Variants in GAN observed in about 807,000 individuals in gnomAD.
GAN encodes epididymis secretory sperm binding protein.
In GAN, 48 loss-of-function variants were observed where a neutral mutation model predicts 71.3. The ratio of observed to expected loss-of-function variants is 0.67; its 90% CI spans 0.53 to 0.86. GAN has a LOEUF of 0.86. Among genes scored for constraint, GAN ranks in the 40% least tolerant of loss-of-function variants. The probability of loss-of-function intolerance (pLI) is 0.00; values close to 1 mark genes in which losing one functional copy is unlikely to be tolerated. For synonymous variants in GAN, 386 were observed against 276.8 expected, an observed-to-expected ratio of 1.39 and a Z score of -3.92; for missense variants, 928 against 770.1, an observed-to-expected ratio of 1.21 and a Z score of -2.43.
intron 1 of GAN, among the ~76,000 whole-genome samples, chr16:81,327,825 C>A (rs1011867424): frequency 6.6e-6 from 1 of 151,350 alleles, no homozygotes; most frequent in African/African-American, 2.5e-5. Context: ...TCTTGAGATG[C>A]TCATTTGCAT....
At chr16:81,345,187 G>C (rs1041622415) in intron 1 of GAN, among the ~76,000 whole-genome samples, 1 of 152,232 alleles carries the variant, frequency 6.6e-6, no homozygotes, top group Non-Finnish European at 1.5e-5. Context: ...GTGGAAGACA[G>C]TGTGGCGATT....
chr16:81,332,329 A>G (rs142893110), intron 1 of GAN, among the ~76,000 whole-genome samples: 2 of 152,308 alleles, frequency 1.3e-5, no homozygotes, highest in Non-Finnish European at 2.9e-5. Context: ...AGTTTCAGCA[A>G]CTGGGCTTGT....
chr16:81,366,663 CT>C (rs1417108937), intron 9 of GAN, among the ~76,000 whole-genome samples: 1 of 151,662 alleles, frequency 6.6e-6, no homozygotes, highest in African/African-American at 2.4e-5. Flanking sequence ...TTTGCATAGC[CT>C]TTTTTTTCAA....
In GAN at chr16:81,354,491, GT is replaced by G. The variant is rs994187670; in HGVS notation, c.374del (p.Leu125TrpfsTer47). 6.2e-7 allele frequency: 1 copy of G among 1,614,010 alleles called. No homozygotes were observed. The highest frequency in any genetic ancestry group is 8.5e-7 in the Non-Finnish European group (1 of 1,179,976). ...LTDLKTLCCE[F>X]LEGCIAAENC... is the part of the protein sequence containing the mutation. ...CGGACCTTAAAACCCTGTGCTGTGAGTTTTTGGAAGGCTGCATTGCTGCTGA... is the reference window on the plus strand; with the variant it reads ...CGGACCTTAAAACCCTGTGCTGTGAGTTTTGGAAGGCTGCATTGCTGCTGA... On this transcript the variant is annotated frameshift_variant, in exon 3 of 11. Coordinates refer to ENST00000648994, the MANE Select transcript of GAN (RefSeq NM_022041.4). LOFTEE classifies it high-confidence loss of function.
At chr16:81,332,726 G>A (rs1909624884) in intron 1 of GAN, among the ~76,000 whole-genome samples, 1 of 152,176 alleles carries the variant, frequency 6.6e-6, no homozygotes, top group African/African-American at 2.4e-5. Flanking sequence ...CATGACCACA[G>A]CTCTTCTGGT....
intron 3 of GAN, 38 bp from the exon 4 acceptor site, chr16:81,356,747 C>G (rs377649656): frequency 1.4e-4 from 188 of 1,337,238 alleles, no homozygotes; most frequent in Non-Finnish European, 2.0e-4. Context: ...GTTGCATTTT[C>G]CATTGTTTTC....
intron 9 of GAN, among the ~76,000 whole-genome samples, chr16:81,371,071 T>C (rs1911022440): frequency 6.6e-6 from 1 of 152,246 alleles, no homozygotes; most frequent in Non-Finnish European, 1.5e-5. Context: ...GCTGCTGCTT[T>C]CTTTTGTTAT....
chr16:81,360,558 A>G (rs527893273), intron 5 of GAN, among the ~76,000 whole-genome samples: 2 of 149,636 alleles, frequency 1.3e-5, no homozygotes, highest in South Asian at 2.1e-4. Flanking sequence ...TTAATCTGCT[A>G]TTACATTTAT....
At chr16:81,346,381 GGCC>G (rs1910118916) in intron 1 of GAN, among the ~76,000 whole-genome samples, 1 of 52,956 alleles carries the variant, frequency 1.9e-5, no homozygotes, top group Non-Finnish European at 5.8e-5. Context: ...TGTCTTCTAA[GGCC>G]TTAGGACTGG....
chr16:81,363,115 A>T (rs183691776), intron 6 of GAN, among the ~76,000 whole-genome samples: 387 of 152,358 alleles, frequency 2.5e-3, no homozygotes, highest in African/African-American at 8.9e-3. Context: ...GACATGAAAC[A>T]CCTAGGGCTT....
chr16:81,327,313 G>T (rs574425745), intron 1 of GAN, among the ~76,000 whole-genome samples: 1 of 152,128 alleles, frequency 6.6e-6, no homozygotes, highest in Non-Finnish European at 1.5e-5. Flanking sequence ...TTAAGGAGGC[G>T]CCAGAAGCAA....
intron 1 of GAN, among the ~76,000 whole-genome samples, chr16:81,334,503 G>A (rs989509480): frequency 4.6e-5 from 7 of 152,180 alleles, no homozygotes; most frequent in East Asian, 1.9e-4. Context: ...GCAGAGAAGC[G>A]GGCTGAGATG....
intron 7 of GAN, 126 bp from the exon 8 acceptor site, chr16:81,364,848 G>A (rs769469207): frequency 3.6e-5 from 33 of 918,858 alleles, no homozygotes; most frequent in East Asian, 1.4e-4. Flanking sequence ...AAGCACCATC[G>A]TTTTACGGTT....
rs764019661 is a variant in GAN at position 81,357,891 on chromosome 16, T to A, written c.933T>A (p.Pro311=). 2.5e-6 allele frequency: 4 copies of A among 1,613,812 alleles called. No individual in the cohort carries two copies. The highest frequency in any genetic ancestry group is 2.7e-5 in the African/African-American group (2 of 74,934). The change falls in exon 5 of 11, where the codon CCT becomes CCA. Residue 311 remains proline, a synonymous_variant. Transcript: ENST00000648994. ...GGCAGCTTTGGATCGAACTGGCCCC[T>A]TTAAGCATGCCGAGAATTAACCATG... The part of the protein sequence containing the change: ...PNRQLWIELA[P]LSMPRINHGV...
At chr16:81,357,112 T>G in intron 4 of GAN, 110 bp downstream of exon 4, 1 of 798,482 alleles carries the variant, frequency 1.3e-6, no homozygotes. Flanking sequence ...TACATTTGAT[T>G]TTTTTTTTTA....
rs373105074 is a variant in GAN at position 81,381,350 on chromosome 16, G to C, written c.*3754G>C. The C allele has an allele frequency of 6.6e-6, 1 of 152,146 alleles. No homozygotes were observed. The highest frequency in any genetic ancestry group is 2.1e-4 in the South Asian group (1 of 4,826). 9.4% of individuals were successfully genotyped at this position (152,146 alleles called of 1,614,324 possible). A position where few individuals can be genotyped will look rare whatever the true frequency, so the allele number is the denominator to read the frequency against. The stretch of plus-strand genomic sequence containing the variant: ...GTTCATGATTCAAGAGGCCTCCCGT[G>C]GTCAGATGAAGACCTTTGGTTAAAT... On this transcript the variant is annotated 3_prime_UTR_variant, in exon 11 of 11. Transcript: ENST00000648994.
intron 1 of GAN, among the ~76,000 whole-genome samples, chr16:81,338,840 C>T (rs1909850977): frequency 6.6e-6 from 1 of 152,120 alleles, no homozygotes. Context: ...GAAGGGAGGC[C>T]CTTTGAGAGG....
intron 9 of GAN, among the ~76,000 whole-genome samples, chr16:81,370,354 C>T (rs1004736694): frequency 2.0e-5 from 3 of 152,190 alleles, no homozygotes; most frequent in Admixed American, 6.5e-5. Flanking sequence ...CTGTTTCAGT[C>T]ATGGTCCAGT....
intron 9 of GAN, among the ~76,000 whole-genome samples, chr16:81,365,925 C>T (rs1910842682): frequency 6.6e-6 from 1 of 152,074 alleles, no homozygotes; most frequent in South Asian, 2.1e-4. Context: ...CATATATAGC[C>T]TTTTGTGATA....
Sources: gnomAD v4.1 joint callset for allele counts (sites outside exome capture counted in the v4.1 genomes callset) on GRCh38, gnomAD v4.1.1 for gene constraint, MANE v1.5 for transcripts, NCBI Gene and HGNC (gene_info 2026-07-23, HGNC 2026-07-21) for gene names.